The following NCAM1 variants were observed in gnomAD, a reference collection of about 807,000 sequenced individuals.
The protein encoded by NCAM1 is antigen recognized by monoclonal antibody 5.1H11.
Under a neutral mutation model 109.8 loss-of-function variants are expected in NCAM1, and 14 were observed. That is an observed-to-expected ratio of 0.13 (90% CI 0.08 to 0.20). The LOEUF (loss-of-function observed/expected upper bound fraction) is 0.20, where lower values mean the gene tolerates loss of function less well. NCAM1 is among the 10% of genes least tolerant of loss of function. The probability of loss-of-function intolerance (pLI) is 1.00; values close to 1 mark genes in which losing one functional copy is unlikely to be tolerated. For missense variants in NCAM1, 774 were observed against 1,109.9 expected (o/e 0.70, Z 4.30); for synonymous variants, 418 against 442.9 (o/e 0.94, Z 0.70).
intron 9 of NCAM1, among the ~76,000 whole-genome samples, chr11:113,223,454 T>TAA (rs782230687): frequency 1.4e-4 from 21 of 146,828 alleles, no homozygotes; most frequent in Admixed American, 1.4e-3. Flanking sequence ...AGATAGGAAT[T>TAA]AAAAAAAAAA....
chr11:113,175,327 G>A (rs1943113922), intron 1 of NCAM1, among the ~76,000 whole-genome samples: 1 of 152,212 alleles, frequency 6.6e-6, no homozygotes, highest in East Asian at 1.9e-4. Flanking sequence ...AGGTGGCAAG[G>A]GGTAGAATGT....
intron 17 of NCAM1, 137 bp downstream of exon 17, chr11:113,260,460 A>T: frequency 1.0e-6 from 1 of 985,858 alleles, no homozygotes; most frequent in Non-Finnish European, 1.5e-6. Flanking sequence ...TGCAAAGCTT[A>T]GTTTTGCCTT....
intron 1 of NCAM1, among the ~76,000 whole-genome samples, chr11:113,093,724 C>G (rs1223840700): frequency 6.6e-6 from 1 of 152,204 alleles, no homozygotes; most frequent in Admixed American, 6.5e-5. Context: ...CATTCCATTT[C>G]TGACTGCAGG....
rs33948720 is a variant in NCAM1 at position 113,252,799 on chromosome 11, CTTTTTTTTTTTTT to C, written c.1829-3059_1829-3047del. Among the ~76,000 whole-genome samples the C allele has an allele frequency of 6.4e-3, 255 of 39,728 alleles. 3 individuals are homozygous for C. The highest frequency in any genetic ancestry group is 0.033 in the Middle Eastern group (1 of 30). The allele number at this position is 39,728 out of a possible 152,430, so 26.1% of individuals were successfully genotyped here. A position where few individuals can be genotyped will look rare whatever the true frequency, so the allele number is the denominator to read the frequency against. ...TACAGGCACATGCCACTATGCCCAG[CTTTTTTTTTTTTT>C]TTTTTTTTTTTTTTTTTTGGTAGAG... On this transcript the variant is annotated intron_variant, in intron 15 of 19. Transcript: ENST00000316851.
At chr11:113,234,973 C>T in intron 13 of NCAM1, 60 bp from the exon 14 acceptor site, 1 of 1,495,562 alleles carries the variant, frequency 6.7e-7, no homozygotes. Flanking sequence ...TACTGTTTTT[C>T]AGAGCGGCTG....
intron 1 of NCAM1, among the ~76,000 whole-genome samples, chr11:113,149,763 C>T (rs990543909): frequency 3.3e-5 from 5 of 152,080 alleles, no homozygotes; most frequent in African/African-American, 4.8e-5. Flanking sequence ...ACTTTGTTTC[C>T]TAGCCAGAGA....
At chr11:113,143,717 G>A (rs983254071) in intron 1 of NCAM1, among the ~76,000 whole-genome samples, 31 of 152,280 alleles carry the variant, frequency 2.0e-4, no homozygotes, top group African/African-American at 7.5e-4. Context: ...GGCTGGAATC[G>A]AATGCTTGGT....
chr11:113,225,429 A>C (rs113283629), intron 9 of NCAM1, among the ~76,000 whole-genome samples: 1 of 152,246 alleles, frequency 6.6e-6, no homozygotes, highest in Non-Finnish European at 1.5e-5. Context: ...ATATGGGACT[A>C]TGTGAAAAGA....
intron 1 of NCAM1, among the ~76,000 whole-genome samples, chr11:113,195,715 C>T (rs975753064): frequency 1.3e-5 from 2 of 151,818 alleles, no homozygotes; most frequent in Admixed American, 1.3e-4. Context: ...ACTGTGTTAG[C>T]CAGGATGGTC....
intron 1 of NCAM1, among the ~76,000 whole-genome samples, chr11:113,119,743 A>C (rs1363644405): frequency 6.6e-6 from 1 of 152,074 alleles, no homozygotes; most frequent in Non-Finnish European, 1.5e-5. Context: ...GCTAAATGTC[A>C]ATGGGTTCAG....
rs561035019 is a variant in NCAM1, at chr11:113,278,371, T to G, written c.*2984T>G. 1 of 152,314 alleles carries G rather than the reference T, an allele frequency of 6.6e-6. No homozygotes were observed. The highest frequency in any genetic ancestry group is 2.1e-4 in the South Asian group (1 of 4,822). 9.4% of individuals were successfully genotyped at this position (152,314 alleles called of 1,614,324 possible). A position where few individuals can be genotyped will look rare whatever the true frequency, so the allele number is the denominator to read the frequency against. On this transcript the variant is annotated 3_prime_UTR_variant, in exon 20 of 20. Transcript: ENST00000316851. The stretch of plus-strand genomic sequence containing the variant: ...ACTGGTGTAAATACTGAGTACTAAC[T>G]GAGAATTTTGACTTTGCATTCTGTC...
chr11:113,151,737 G>A (rs932400428), intron 1 of NCAM1, among the ~76,000 whole-genome samples: 1 of 152,280 alleles, frequency 6.6e-6, no homozygotes, highest in Admixed American at 6.5e-5. Context: ...AGCAGAGCCA[G>A]GCCCATACCA....
intron 1 of NCAM1, among the ~76,000 whole-genome samples, chr11:113,054,400 C>T (rs1290587531): frequency 6.6e-6 from 1 of 152,166 alleles, no homozygotes; most frequent in Non-Finnish European, 1.5e-5. Context: ...TAAAGCCTTA[C>T]CTGAGGCATT....
intron 1 of NCAM1, among the ~76,000 whole-genome samples, chr11:113,181,761 C>A (rs181591353): frequency 2.0e-4 from 31 of 152,298 alleles, no homozygotes; most frequent in African/African-American, 7.0e-4. Flanking sequence ...CGAAAGAGGA[C>A]TGGACCTCAG....
At chr11:113,169,358 G>T (rs1422015729) in intron 1 of NCAM1, among the ~76,000 whole-genome samples, 1 of 152,144 alleles carries the variant, frequency 6.6e-6, no homozygotes, top group East Asian at 1.9e-4. Flanking sequence ...CATTAATAAT[G>T]CAGAGAGAAA....
intron 1 of NCAM1, among the ~76,000 whole-genome samples, chr11:113,119,520 C>G (rs1940857520): frequency 6.6e-6 from 1 of 152,116 alleles, no homozygotes; most frequent in Non-Finnish European, 1.5e-5. Flanking sequence ...CCCCTAGACC[C>G]TGGGACTGAC....
chr11:112,992,868 A>G (rs1417278632), intron 1 of NCAM1, among the ~76,000 whole-genome samples: 4 of 152,218 alleles, frequency 2.6e-5, no homozygotes, highest in Admixed American at 2.6e-4. Flanking sequence ...ATAAGCAAAT[A>G]CAAAAATATT....
At chr11:113,007,655 G>A (rs1166863113) in intron 1 of NCAM1, among the ~76,000 whole-genome samples, 1 of 152,214 alleles carries the variant, frequency 6.6e-6, no homozygotes, top group Non-Finnish European at 1.5e-5. Flanking sequence ...CAGTGGTTGT[G>A]ATATAGTTGT....
At chr11:113,248,290 C>T (rs1945561619) in intron 15 of NCAM1, among the ~76,000 whole-genome samples, 1 of 151,840 alleles carries the variant, frequency 6.6e-6, no homozygotes, top group Non-Finnish European at 1.5e-5. Flanking sequence ...ATTACGCCCT[C>T]CTGGAACCAT....
Sources: allele counts gnomAD v4.1 joint callset (sites outside exome capture counted in the v4.1 genomes callset), GRCh38; gene constraint gnomAD v4.1.1; transcripts MANE v1.5; gene names NCBI Gene and HGNC (gene_info 2026-07-23, HGNC 2026-07-21).